Variants in OLA1 observed in about 807,000 individuals in gnomAD.
OLA1 encodes the protein obg-like ATPase 1.
In OLA1, 14 loss-of-function variants were observed where a neutral mutation model predicts 48.4. The observed-to-expected ratio is 0.29, with a 90% CI of 0.19 to 0.45. OLA1 has a LOEUF of 0.45. OLA1 is among the 20% of genes least tolerant of loss of function. The pLI is 1.00. For missense variants in OLA1, 325 were observed against 467.1 expected, an observed-to-expected ratio of 0.70 and a Z score of 2.80; for synonymous variants, 127 against 150.4, an observed-to-expected ratio of 0.84 and a Z score of 1.14.
chr2:174,101,830 C>A (rs909988262), intron 7 of OLA1, among the ~76,000 whole-genome samples: 1 of 152,086 alleles, frequency 6.6e-6, no homozygotes, highest in Non-Finnish European at 1.5e-5. Flanking sequence ...AAACATGAAA[C>A]TTGATTAACT....
At chr2:174,176,157 A>G (rs1687416095) in intron 4 of OLA1, among the ~76,000 whole-genome samples, 1 of 152,058 alleles carries the variant, frequency 6.6e-6, no homozygotes, top group African/African-American at 2.4e-5. Context: ...TACACTAAGA[A>G]TATATGATTT....
chr2:174,177,783 C>T (rs549948280), intron 4 of OLA1, among the ~76,000 whole-genome samples: 1 of 151,482 alleles, frequency 6.6e-6, no homozygotes, highest in African/African-American at 2.4e-5. Context: ...TCAAGTACAT[C>T]TGGATTTCTT....
At chr2:174,140,027 TAA>T (rs1686407867) in intron 5 of OLA1, among the ~76,000 whole-genome samples, 1 of 152,012 alleles carries the variant, frequency 6.6e-6, no homozygotes, top group Admixed American at 6.6e-5. Flanking sequence ...CTTATTGACA[TAA>T]AAATACAAAT....
chr2:174,197,915 T>C (rs935095856), intron 4 of OLA1, among the ~76,000 whole-genome samples: 1 of 152,246 alleles, frequency 6.6e-6, no homozygotes, highest in Non-Finnish European at 1.5e-5. Flanking sequence ...AGCTATTCAG[T>C]CTTTTCAAAT....
In OLA1 at chr2:174,150,625, T is replaced by C. The variant is rs192838961; in HGVS notation, c.374-8625A>G. Among the ~76,000 whole-genome samples, 198 of 152,344 alleles carry C rather than the reference T, an allele frequency of 1.3e-3. 3 individuals are homozygous for C. Among genetic ancestry groups the C allele is most frequent in the African/African-American group, 4.0e-3 (166 of 41,580 alleles). On this transcript the variant is annotated intron_variant, in intron 4 of 10. Coordinates refer to ENST00000284719, the MANE Select transcript of OLA1 (RefSeq NM_013341.5). ...CAGAATTCCTTGGTATATAAACCAA[T>C]GCATAAACTGCCACCCTTTCAACAC...
At chr2:174,208,310 G>C (rs907752653) in intron 4 of OLA1, among the ~76,000 whole-genome samples, 2 of 152,020 alleles carry the variant, frequency 1.3e-5, no homozygotes, top group African/African-American at 2.4e-5. Context: ...AATTAGAAAA[G>C]GTCAAGGGTC....
At chr2:174,106,559 G>T (rs1685518500) in intron 7 of OLA1, among the ~76,000 whole-genome samples, 1 of 152,150 alleles carries the variant, frequency 6.6e-6, no homozygotes, top group Admixed American at 6.6e-5. Context: ...TAAAGTTTGA[G>T]AAATTGCTGT....
chr2:174,210,833 T>A (rs2105440623), intron 4 of OLA1, among the ~76,000 whole-genome samples: 1 of 152,318 alleles, frequency 6.6e-6, no homozygotes, highest in East Asian at 1.9e-4. Flanking sequence ...ATAAGATTGC[T>A]GAAATCTACT....
At chr2:174,236,719 G>A (rs1688859265) in intron 2 of OLA1, among the ~76,000 whole-genome samples, 1 of 152,156 alleles carries the variant, frequency 6.6e-6, no homozygotes, top group Non-Finnish European at 1.5e-5. Context: ...ATTGCTTCTA[G>A]GCTAAACCTG....
chr2:174,092,167 AAGGAG>A (rs1333847296), intron 7 of OLA1, among the ~76,000 whole-genome samples: 1 of 151,392 alleles, frequency 6.6e-6, no homozygotes, highest in Non-Finnish European at 1.5e-5. Flanking sequence ...GAAAAAAGGA[AAGGAG>A]AGGAGAGGAG....
intron 4 of OLA1, among the ~76,000 whole-genome samples, chr2:174,180,767 A>G (rs1256015364): frequency 6.6e-6 from 1 of 152,216 alleles, no homozygotes; most frequent in African/African-American, 2.4e-5. Flanking sequence ...GTCTGGGAAA[A>G]GATAGAAATC....
chr2:174,144,115 A>T (rs1256949594), intron 4 of OLA1, among the ~76,000 whole-genome samples: 1 of 152,134 alleles, frequency 6.6e-6, no homozygotes, highest in Non-Finnish European at 1.5e-5. Flanking sequence ...GACCTTGTCA[A>T]GCAAAAACAA....
chr2:174,196,646 A>G (rs1687882939), intron 4 of OLA1, among the ~76,000 whole-genome samples: 1 of 152,222 alleles, frequency 6.6e-6, no homozygotes, highest in African/African-American at 2.4e-5. Flanking sequence ...AGCAAGTACC[A>G]CAAGTAATTT....
At chr2:174,247,885 A>G in intron 1 of OLA1, 1 of 1,271,182 alleles carries the variant, frequency 7.9e-7, no homozygotes, top group Non-Finnish European at 1.1e-6. Flanking sequence ...CCACCCTTGG[A>G]CTGCAAAGTG....
At chr2:174,215,370 T>G (rs2105444520) in intron 4 of OLA1, among the ~76,000 whole-genome samples, 1 of 152,340 alleles carries the variant, frequency 6.6e-6, no homozygotes, top group South Asian at 2.1e-4. Context: ...ATAACAAATT[T>G]ACTAATAAAC....
intron 5 of OLA1, among the ~76,000 whole-genome samples, chr2:174,129,049 T>C (rs1231442181): frequency 6.6e-6 from 1 of 152,172 alleles, no homozygotes; most frequent in South Asian, 2.1e-4. Flanking sequence ...TCTCTCAGCT[T>C]GTTTCTGTGA....
intron 5 of OLA1, among the ~76,000 whole-genome samples, chr2:174,138,867 T>C (rs1574502887): frequency 6.6e-6 from 1 of 152,214 alleles, no homozygotes; most frequent in Non-Finnish European, 1.5e-5. Flanking sequence ...TACTCAGATG[T>C]TTTCAGAAAA....
intron 2 of OLA1, among the ~76,000 whole-genome samples, chr2:174,229,777 C>T (rs1461517025): frequency 6.6e-6 from 1 of 152,142 alleles, no homozygotes; most frequent in African/African-American, 2.4e-5. Context: ...TATACCTGAT[C>T]GTACCAGCAT....
intron 4 of OLA1, among the ~76,000 whole-genome samples, chr2:174,177,760 C>T (rs1053710320): frequency 6.6e-6 from 1 of 151,470 alleles, no homozygotes; most frequent in Non-Finnish European, 1.5e-5. Context: ...CAAAGTCAGC[C>T]AGCTTAATAA....
Sources: gnomAD v4.1 joint callset for allele counts (sites outside exome capture counted in the v4.1 genomes callset) on GRCh38, gnomAD v4.1.1 for gene constraint, MANE v1.5 for transcripts, NCBI Gene and HGNC (gene_info 2026-07-23, HGNC 2026-07-21) for gene names.